The following PRRG1 variants were observed in gnomAD, a reference collection of about 807,000 sequenced individuals.
PRRG1 encodes the protein transmembrane gamma-carboxyglutamic acid protein 1.
A neutral mutation model predicts 11.8 loss-of-function variants in PRRG1; 5 were observed. The ratio of observed to expected loss-of-function variants is 0.42; its 90% CI spans 0.22 to 0.89. The LOEUF (loss-of-function observed/expected upper bound fraction) is 0.89, where lower values mean the gene tolerates loss of function less well. Ranked by LOEUF, PRRG1 falls within the 40% of genes least tolerant of loss-of-function variation. The pLI is 0.28. For missense variants in PRRG1, 155 were observed against 166.1 expected, an observed-to-expected ratio of 0.93 and a Z score of 0.37; for synonymous variants, 66 against 60.4, an observed-to-expected ratio of 1.09 and a Z score of -0.43.
intron 3 of PRRG1, chrX:37,441,472 C>G (rs781986349): frequency 2.7e-6 from 2 of 753,781 alleles, no homozygotes; most frequent in East Asian, 1.5e-4. Context: ...CAGCCAGCTA[C>G]TACTACCACA....
chrX:37,372,220 G>A (rs1168444494), intron 1 of PRRG1, among the ~76,000 whole-genome samples: 3 of 112,309 alleles, frequency 2.7e-5, no homozygotes, highest in Non-Finnish European at 5.6e-5. Flanking sequence ...ATTTCCCTTA[G>A]TGATGCTGAG....
rs1921254719 is a variant in PRRG1, at chrX:37,453,895, G to T, written c.*274G>T. 1 of 242,850 alleles carries T rather than the reference G, an allele frequency of 4.1e-6. No individual in the cohort carries two copies. The highest frequency in any genetic ancestry group is 7.5e-5 in the East Asian group (1 of 13,342). 20.0% of individuals were successfully genotyped at this position (242,850 alleles called of 1,213,427 possible). The stretch of plus-strand genomic sequence containing the variant: ...CATACATGTAAGTGTATATATGTGT[G>T]TATAGGCATATATACGTGTGTATGC... On this transcript the variant is annotated 3_prime_UTR_variant, in exon 4 of 4. Coordinates refer to ENST00000378628, the MANE Select transcript of PRRG1 (RefSeq NM_001142395.2).
At chrX:37,408,985 A>G in intron 2 of PRRG1, among the ~76,000 whole-genome samples, 1 of 111,697 alleles carries the variant, frequency 9.0e-6, no homozygotes, top group East Asian at 2.8e-4. Flanking sequence ...ATGGTCAGGC[A>G]ATTAGTAGTT....
intron 3 of PRRG1, among the ~76,000 whole-genome samples, chrX:37,448,698 T>TG (rs1921007420): frequency 8.9e-6 from 1 of 112,390 alleles, no homozygotes; most frequent in African/African-American, 3.2e-5. Flanking sequence ...ATGCTTATCA[T>TG]GCCCAGCATA....
intron 1 of PRRG1, among the ~76,000 whole-genome samples, chrX:37,389,279 T>C (rs1931444387): frequency 8.9e-6 from 1 of 111,999 alleles, no homozygotes; most frequent in African/African-American, 3.2e-5. Flanking sequence ...GCCCATTACC[T>C]AGTTCCAAAG....
chrX:37,394,301 G>C (rs1931643601), intron 1 of PRRG1, among the ~76,000 whole-genome samples: 1 of 112,116 alleles, frequency 8.9e-6, no homozygotes, highest in Non-Finnish European at 1.9e-5. Context: ...TAGCCAAAGA[G>C]AGTTGTGACT....
In PRRG1 at chrX:37,440,433, A is replaced by G. The variant is rs782793353; in HGVS notation, c.172-12703A>G. 2.1e-4 allele frequency among the ~76,000 whole-genome samples: 23 copies of G among 111,985 alleles called. No individual in the cohort carries two copies. The East Asian group carries it at 6.4e-3, about 31-fold the overall frequency. ...TGGCAATCTGAACTTTTAAACAGAC[A>G]ATTTTGAACTTTTTTGGTTTGAGGC... is the stretch of plus-strand genomic sequence containing the variant. On this transcript the variant is annotated intron_variant, in intron 3 of 3. Transcript: ENST00000378628.
At chrX:37,382,954 A>C (rs1481424206) in intron 1 of PRRG1, among the ~76,000 whole-genome samples, 1 of 111,127 alleles carries the variant, frequency 9.0e-6, no homozygotes, top group African/African-American at 3.3e-5. Flanking sequence ...AATTCATAGC[A>C]CTCCAGTTCA....
At chrX:37,443,426 A>G (rs1295124193) in intron 3 of PRRG1, among the ~76,000 whole-genome samples, 1 of 111,981 alleles carries the variant, frequency 8.9e-6, no homozygotes, top group Non-Finnish European at 1.9e-5. Context: ...TTGGAAATAT[A>G]CGTAAGGGAG....
rs1931595269 is a variant in PRRG1 at position 37,393,068 on chromosome X, A to G, written c.-41-13141A>G. Among the ~76,000 whole-genome samples, 3 of 111,239 alleles carry G rather than the reference A, an allele frequency of 2.7e-5. No homozygotes were observed. In the South Asian group the frequency reaches 1.1e-3, roughly 42 times the overall value. On this transcript the variant is annotated intron_variant, in intron 1 of 3. Coordinates refer to ENST00000378628, the MANE Select transcript of PRRG1 (RefSeq NM_001142395.2). ...TGTATCCAACTCTGAGGATGATTGG[A>G]CAACAGAAACAAAGTATCCTTTGTT...
chrX:37,359,386 A>G (rs1556367035), intron 1 of PRRG1, among the ~76,000 whole-genome samples: 1 of 110,126 alleles, frequency 9.1e-6, no homozygotes, highest in African/African-American at 3.3e-5. Context: ...TTTTCTGAAT[A>G]TATGGATATC....
intron 3 of PRRG1, among the ~76,000 whole-genome samples, chrX:37,447,574 GT>G (rs1291160260): frequency 2.7e-5 from 3 of 112,348 alleles, no homozygotes; most frequent in African/African-American, 9.7e-5. Flanking sequence ...TTCCCTTAAT[GT>G]TTCAAATTTT....
chrX:37,389,308 G>A (rs1476367618), intron 1 of PRRG1, among the ~76,000 whole-genome samples: 1 of 111,519 alleles, frequency 9.0e-6, no homozygotes, highest in Non-Finnish European at 1.9e-5. Flanking sequence ...ACATTTTTAG[G>A]TATCTTTATA....
intron 3 of PRRG1, among the ~76,000 whole-genome samples, chrX:37,449,149 C>A (rs1360626222): frequency 2.7e-5 from 3 of 111,508 alleles, no homozygotes; most frequent in Non-Finnish European, 5.6e-5. Context: ...CTACTCTCAA[C>A]AAGGCAGCTT....
At chrX:37,381,638 G>C (rs1931157189) in intron 1 of PRRG1, among the ~76,000 whole-genome samples, 1 of 110,342 alleles carries the variant, frequency 9.1e-6, no homozygotes, top group African/African-American at 3.3e-5. Flanking sequence ...CTTTCCCTTT[G>C]TCATGTTTTT....
At chrX:37,419,438 T>C (rs782794105) in intron 2 of PRRG1, among the ~76,000 whole-genome samples, 18 of 112,155 alleles carry the variant, frequency 1.6e-4, no homozygotes, top group African/African-American at 5.5e-4. Context: ...TGAGAAGAAG[T>C]TCTGAAATTT....
intron 2 of PRRG1, among the ~76,000 whole-genome samples, chrX:37,418,672 A>G (rs1932571353): frequency 1.8e-5 from 2 of 111,936 alleles, no homozygotes; most frequent in South Asian, 3.8e-4. Flanking sequence ...GGTAACTCAC[A>G]TTCACCATTG....
chrX:37,442,667 T>A, intron 3 of PRRG1, among the ~76,000 whole-genome samples: 1 of 110,909 alleles, frequency 9.0e-6, no homozygotes, highest in Non-Finnish European at 1.9e-5. Flanking sequence ...TCATGAACAC[T>A]TTTTTTTAAA....
intron 1 of PRRG1, among the ~76,000 whole-genome samples, chrX:37,394,328 G>A (rs993789359): frequency 1.8e-5 from 2 of 111,977 alleles, no homozygotes; most frequent in African/African-American, 6.5e-5. Flanking sequence ...GACACCACGA[G>A]GAGGGAATGA....
Sources: allele counts gnomAD v4.1 joint callset (sites outside exome capture counted in the v4.1 genomes callset), GRCh38; gene constraint gnomAD v4.1.1; transcripts MANE v1.5; gene names NCBI Gene and HGNC (gene_info 2026-07-23, HGNC 2026-07-21).